STIM1: variants seen among roughly 807,000 people sequenced by gnomAD.
STIM1 encodes the protein stromal interaction molecule 1.
A neutral mutation model predicts 74.7 loss-of-function variants in STIM1; 25 were observed. That is an observed-to-expected ratio of 0.33 (90% CI 0.24 to 0.47). The LOEUF (loss-of-function observed/expected upper bound fraction) is 0.47, where lower values mean the gene tolerates loss of function less well. Ranked by LOEUF, STIM1 falls within the 20% of genes least tolerant of loss-of-function variation. The pLI is 1.00. For synonymous variants in STIM1, 328 were observed against 348.8 expected, an observed-to-expected ratio of 0.94 and a Z score of 0.66; for missense variants, 728 against 920.8, an observed-to-expected ratio of 0.79 and a Z score of 2.71.
intron 1 of STIM1, among the ~76,000 whole-genome samples, chr11:3,895,665 T>TC (rs2092065383): frequency 1.2e-4 from 4 of 34,458 alleles, no homozygotes; most frequent in Admixed American, 3.2e-4. Flanking sequence ...TTTCTTTCTT[T>TC]CTTTCTTTCC....
At chr11:3,940,568 A>AAGTGTGTAAAGC (rs1297275295) in intron 1 of STIM1, among the ~76,000 whole-genome samples, 9 of 152,238 alleles carry the variant, frequency 5.9e-5, no homozygotes, top group Non-Finnish European at 1.2e-4. Flanking sequence ...GTAAAGCACC[A>AAGTGTGTAAAGC]ACATAGTGGC....
intron 2 of STIM1, among the ~76,000 whole-genome samples, chr11:3,995,820 T>C (rs2093658455): frequency 6.6e-6 from 1 of 151,572 alleles, no homozygotes; most frequent in Non-Finnish European, 1.5e-5. Flanking sequence ...TCTTTTTTTT[T>C]TTTTTTTTTA....
intron 6 of STIM1, among the ~76,000 whole-genome samples, chr11:4,071,179 G>A (rs1438159905): frequency 6.6e-6 from 1 of 152,166 alleles, no homozygotes; most frequent in Non-Finnish European, 1.5e-5. Context: ...GAAGGCAATA[G>A]AGAGTCAAAT....
intron 1 of STIM1, among the ~76,000 whole-genome samples, chr11:3,953,782 T>TC (rs2093178548): frequency 7.0e-6 from 1 of 142,458 alleles, no homozygotes; most frequent in Non-Finnish European, 1.5e-5. Context: ...ATCTTCTTCT[T>TC]TCTTTTTTTT....
Position 3,988,328 on chromosome 11 carries a change from C to T in STIM1, c.270+20646C>T, listed in dbSNP as rs560889488. ...CTGTTTTTTTCGTGTAGCCTGCAAACTAAAAATGATTTTTACATTTTTTTC... is the reference window on the plus strand; with the variant it reads ...CTGTTTTTTTCGTGTAGCCTGCAAATTAAAAATGATTTTTACATTTTTTTC... On this transcript the variant is annotated intron_variant, in intron 2 of 12. Transcript: ENST00000526596. Among the ~76,000 whole-genome samples, 6 of 152,196 alleles carry T rather than the reference C, an allele frequency of 3.9e-5. No homozygotes were observed. In the East Asian group the frequency reaches 1.2e-3, roughly 29 times the overall value.
chr11:4,019,396 A>G (rs1269341716), intron 2 of STIM1, among the ~76,000 whole-genome samples: 1 of 152,104 alleles, frequency 6.6e-6, no homozygotes, highest in Non-Finnish European at 1.5e-5. Flanking sequence ...CATATTGGCC[A>G]GGCATGGTGG....
chr11:3,887,056 T>C (rs866903004), intron 1 of STIM1, among the ~76,000 whole-genome samples: 1 of 151,190 alleles, frequency 6.6e-6, no homozygotes, highest in Non-Finnish European at 1.5e-5. Context: ...TTTCCAAATA[T>C]ATCCAGAGGT....
chr11:3,857,538 A>G (rs565128877), intron 1 of STIM1, among the ~76,000 whole-genome samples: 4 of 151,978 alleles, frequency 2.6e-5, no homozygotes, highest in South Asian at 2.1e-4. Context: ...AAGGAACTCT[A>G]TTAAAATCCA....
chr11:3,914,559 A>C lies in STIM1; in HGVS notation c.140-52993A>C, dbSNP rs1440299793. Among the ~76,000 whole-genome samples the C allele has an allele frequency of 7.9e-5, 12 of 152,254 alleles. No homozygotes were observed. In the East Asian group the frequency reaches 2.3e-3, roughly 29 times the overall value. On this transcript the variant is annotated intron_variant, in intron 1 of 12. Coordinates refer to ENST00000526596, the MANE Select transcript of STIM1 (RefSeq NM_001382567.1). ...TGGGTTCAAACAATTCTCCTGTCTC[A>C]GCCTCCCGAGTAGCTGGAATTACAG...
intron 3 of STIM1, among the ~76,000 whole-genome samples, chr11:4,049,351 CT>C (rs1171339413): frequency 7.1e-6 from 1 of 140,708 alleles, no homozygotes; most frequent in Non-Finnish European, 1.5e-5. Context: ...TTGAGACAGG[CT>C]CTCACTCTGT....
intron 1 of STIM1, among the ~76,000 whole-genome samples, chr11:3,870,780 C>A (rs566705280): frequency 1.4e-4 from 22 of 152,036 alleles, no homozygotes; most frequent in African/African-American, 5.3e-4. Flanking sequence ...TTATAGGCAT[C>A]AGCCACTGTG....
intron 1 of STIM1, among the ~76,000 whole-genome samples, chr11:3,939,590 G>C (rs2092979576): frequency 1.3e-5 from 2 of 152,192 alleles, no homozygotes; most frequent in African/African-American, 4.8e-5. Flanking sequence ...AATACCTTGT[G>C]ATATAGGCAA....
chr11:4,007,816 A>C (rs1207133548), intron 2 of STIM1, among the ~76,000 whole-genome samples: 1 of 152,176 alleles, frequency 6.6e-6, no homozygotes, highest in Non-Finnish European at 1.5e-5. Context: ...ATGCATGTGC[A>C]TAAGTCTGTG....
In STIM1 at chr11:3,900,421, T is replaced by C. The variant is rs796178247; in HGVS notation, c.139+44012T>C. Among the ~76,000 whole-genome samples the C allele has an allele frequency of 7.9e-3, 1,200 of 152,314 alleles. 13 individuals are homozygous for C. Among genetic ancestry groups the C allele is most frequent in the African/African-American group, 0.028 (1,148 of 41,578 alleles). On this transcript the variant is annotated intron_variant, in intron 1 of 12. Coordinates refer to ENST00000526596, the MANE Select transcript of STIM1 (RefSeq NM_001382567.1). ...CAATGCCTCGCCCTGCTTCGGCTCG[T>C]GCACGGTGCGCCGCACCCACTGTCC...
intron 1 of STIM1, among the ~76,000 whole-genome samples, chr11:3,901,747 C>T (rs1358656709): frequency 1.3e-5 from 2 of 152,158 alleles, no homozygotes; most frequent in African/African-American, 4.8e-5. Context: ...TTATTGTTTG[C>T]CTAAGCCTTC....
chr11:4,012,315 A>G (rs528429220), intron 2 of STIM1, among the ~76,000 whole-genome samples: 18 of 152,316 alleles, frequency 1.2e-4, no homozygotes, highest in Admixed American at 8.5e-4. Context: ...TACCTTGGGC[A>G]GTGTGGCCAT....
intron 2 of STIM1, among the ~76,000 whole-genome samples, chr11:4,007,136 C>T (rs1025095739): frequency 6.6e-6 from 1 of 151,998 alleles, no homozygotes; most frequent in East Asian, 1.9e-4. Flanking sequence ...TTTTTCTGGG[C>T]GCATGGAACT....
chr11:3,913,734 G>C (rs1435685461), intron 1 of STIM1, among the ~76,000 whole-genome samples: 1 of 152,068 alleles, frequency 6.6e-6, no homozygotes, highest in Non-Finnish European at 1.5e-5. Flanking sequence ...CTTCTATCTA[G>C]CACCAAAACA....
At chr11:3,962,859 G>A (rs956359303) in intron 1 of STIM1, among the ~76,000 whole-genome samples, 6 of 152,040 alleles carry the variant, frequency 3.9e-5, no homozygotes, top group South Asian at 2.1e-4. Context: ...TACTCATTTA[G>A]TGTTCATCTG....
Sources: allele counts gnomAD v4.1 joint callset (sites outside exome capture counted in the v4.1 genomes callset), GRCh38; gene constraint gnomAD v4.1.1; transcripts MANE v1.5; gene names NCBI Gene and HGNC (gene_info 2026-07-23, HGNC 2026-07-21).